ISM2: variants seen among roughly 807,000 people sequenced by gnomAD.
ISM2 encodes isthmin-2.
Under a neutral mutation model 58.0 loss-of-function variants are expected in ISM2, and 50 were observed. The observed-to-expected ratio is 0.86, with a 90% CI of 0.69 to 1.09. The LOEUF (loss-of-function observed/expected upper bound fraction) is 1.09, where lower values mean the gene tolerates loss of function less well. Ranked by LOEUF, ISM2 falls within the 50% of genes least tolerant of loss-of-function variation. ISM2 has a pLI of 0.00. For synonymous variants in ISM2, 303 were observed against 312.4 expected, an observed-to-expected ratio of 0.97 and a Z score of 0.32; for missense variants, 723 against 745.0, an observed-to-expected ratio of 0.97 and a Z score of 0.34.
chr14:77,497,694 AAAAAT>A (rs1210435738), intron 1 of ISM2, among the ~76,000 whole-genome samples: 1 of 149,380 alleles, frequency 6.7e-6, no homozygotes, highest in African/African-American at 2.5e-5. Context: ...ATCCTGTCCC[AAAAAT>A]AAAATAAAAG....
intron 1 of ISM2, among the ~76,000 whole-genome samples, chr14:77,488,317 A>T (rs1215815366): frequency 6.6e-6 from 1 of 152,184 alleles, no homozygotes; most frequent in African/African-American, 2.4e-5. Context: ...GTAGGGACTT[A>T]TGTAAGGTCT....
chr14:77,480,386 G>A (rs1264413104), intron 4 of ISM2, among the ~76,000 whole-genome samples: 2 of 151,876 alleles, frequency 1.3e-5, no homozygotes, highest in African/African-American at 4.8e-5. Flanking sequence ...ACTGTGGCTG[G>A]GCCCAAATCC....
At chr14:77,491,903 C>A (rs2079207741) in intron 1 of ISM2, among the ~76,000 whole-genome samples, 1 of 151,868 alleles carries the variant, frequency 6.6e-6, no homozygotes. Context: ...ACCATGTTGG[C>A]CAGGCTGGTC....
rs914014016 is a variant in ISM2 at position 77,491,618 on chromosome 14, C to T, written c.142-6699G>A. Among the ~76,000 whole-genome samples, 4 of 151,914 alleles carry T rather than the reference C, an allele frequency of 2.6e-5. 1 individual carries two copies. Among genetic ancestry groups the T allele is most frequent in the Middle Eastern group, 6.3e-3 (2 of 316 alleles). On this transcript the variant is annotated intron_variant, in intron 1 of 6. Transcript: ENST00000342219. ...TGTTGGCTAGACTGGTCTCCAACTCCTAACCTCAGGTGATCCACCCGCCCT... is the reference window on the plus strand; with the variant it reads ...TGTTGGCTAGACTGGTCTCCAACTCTTAACCTCAGGTGATCCACCCGCCCT...
intron 5 of ISM2, 93 bp from the exon 6 acceptor site, chr14:77,478,418 C>A: frequency 2.1e-6 from 3 of 1,425,380 alleles, no homozygotes; most frequent in East Asian, 2.3e-5. Flanking sequence ...GCTCTCAGTG[C>A]CCACAGCAGC....
chr14:77,496,799 G>GAAAAAAAAAAAAAAAAAAAAAA (rs772342344), intron 1 of ISM2, among the ~76,000 whole-genome samples: 1 of 25,788 alleles, frequency 3.9e-5, no homozygotes, highest in African/African-American at 1.8e-4. Context: ...TCCATCTCAG[G>GAAAAAAAAAAAAAAAAAAAAAA]AAAAAAAAAA....
At position 77,497,788 on chromosome 14, in the gene ISM2, AAGGAAG is replaced by A. The variant is rs2079256641; in HGVS notation, c.141+859_141+864del. Among the ~76,000 whole-genome samples, 952 of 132,420 alleles carry A rather than the reference AAGGAAG, an allele frequency of 7.2e-3. 22 individuals carry two copies. Among genetic ancestry groups the A allele is most frequent in the African/African-American group, 0.029 (887 of 30,878 alleles). 86.9% of individuals were successfully genotyped at this position (132,420 alleles called of 152,430 possible). A position where few individuals can be genotyped will look rare whatever the true frequency, so the allele number is the denominator to read the frequency against. ...GAGGGAGGGAAGGAAGGAAGGAAGG[AAGGAAG>A]GAAGGAAGGAAGGAAGGAAGGAAGG... On this transcript the variant is annotated intron_variant, in intron 1 of 6. Coordinates refer to ENST00000342219, the MANE Select transcript of ISM2 (RefSeq NM_199296.3).
At chr14:77,479,797 G>A (rs992753763) in intron 4 of ISM2, among the ~76,000 whole-genome samples, 13 of 152,300 alleles carry the variant, frequency 8.5e-5, no homozygotes, top group African/African-American at 2.4e-4. Flanking sequence ...TTACAGGCAT[G>A]AGCCACTGCA....
rs115444175 is a variant in ISM2 at position 77,481,005 on chromosome 14, T to A, written c.973+1317A>T. 5.1e-3 allele frequency among the ~76,000 whole-genome samples: 783 copies of A among 152,256 alleles called. 6 individuals are homozygous for A. Among genetic ancestry groups the A allele is most frequent in the African/African-American group, 0.018 (740 of 41,552 alleles). Reference sequence around the variant, plus strand: ...GCTGCAACTATGCATAAAACATGTCTGCACCCAGAGGAAACCTGAACCACA... The same window carrying A: ...GCTGCAACTATGCATAAAACATGTCAGCACCCAGAGGAAACCTGAACCACA... On this transcript the variant is annotated intron_variant, in intron 4 of 6. Coordinates refer to ENST00000342219, the MANE Select transcript of ISM2 (RefSeq NM_199296.3).
intron 6 of ISM2, among the ~76,000 whole-genome samples, chr14:77,477,387 G>C (rs2079105062): frequency 6.6e-6 from 1 of 152,186 alleles, no homozygotes; most frequent in African/African-American, 2.4e-5. Flanking sequence ...ATCTCCAAGG[G>C]ACTGGAACCT....
intron 1 of ISM2, among the ~76,000 whole-genome samples, chr14:77,489,146 T>C (rs1333913016): frequency 1.3e-5 from 2 of 152,216 alleles, no homozygotes; most frequent in African/African-American, 4.8e-5. Context: ...CCTTACTGCA[T>C]TGCGTGAGCC....
At chr14:77,498,632 C>G (rs2079264027) in intron 1 of ISM2, 21 bp downstream of exon 1, 8 of 1,437,284 alleles carry the variant, frequency 5.6e-6, no homozygotes, top group Non-Finnish European at 7.3e-6. Context: ...CGCTCCGCAG[C>G]CCGGTGCCGC....
Position 77,498,772 on chromosome 14 carries a change from C to T in ISM2, c.22G>A (p.Ala8Thr), listed in dbSNP as rs2079266251. The T allele has an allele frequency of 5.5e-6, 8 of 1,465,064 alleles. No homozygotes were observed. The South Asian group carries it at 1.0e-4, about 19-fold the overall frequency. 90.8% of individuals were successfully genotyped at this position (1,465,064 alleles called of 1,614,324 possible). A position where few individuals can be genotyped will look rare whatever the true frequency, so the allele number is the denominator to read the frequency against. Residue 8 changes from alanine to threonine, a missense_variant, in exon 1 of 7, where the codon GCC (alanine) becomes ACC (threonine). Transcript: ENST00000342219. ...AGCAGCACGCAGAGGAGGAGCCCGG[C>T]TCGGTCGCGGAGCGCACGCATCGTC... MRALRDR[A>T]GLLLCVLLLA...
intron 1 of ISM2, among the ~76,000 whole-genome samples, chr14:77,493,849 G>A (rs1478629762): frequency 6.6e-6 from 1 of 151,980 alleles, no homozygotes; most frequent in Non-Finnish European, 1.5e-5. Flanking sequence ...TTGGCTCACT[G>A]CAAGCTCGGT....
In ISM2 at chr14:77,475,918, G is replaced by A; in HGVS notation, c.1393C>T (p.Leu465=). 1 of 1,600,774 alleles carries A rather than the reference G, an allele frequency of 6.2e-7. No individual in the cohort carries two copies. Among genetic ancestry groups the A allele is most frequent in the Non-Finnish European group, 8.5e-7 (1 of 1,179,864 alleles). ...CGCGCCGTGGGCTGGTAGATGTCCA[G>A]GCGCTCGCGAGGGCCACTGGCATCC... ...WRDASGPRER[L]DIYQPTARFC... The change falls in exon 7 of 7, where the codon CTG becomes TTG. Residue 465 remains leucine, a synonymous_variant. Coordinates refer to ENST00000342219, the MANE Select transcript of ISM2 (RefSeq NM_199296.3). The surrounding 1 kb of genome is among the most constrained non-coding windows in gnomAD (Gnocchi z 4.1).
At chr14:77,498,485 T>G (rs1304664554) in intron 1 of ISM2, 168 bp downstream of exon 1, 1 of 1,207,430 alleles carries the variant, frequency 8.3e-7, no homozygotes, top group Admixed American at 2.2e-5. Context: ...CCGGCGCACC[T>G]GGGCAACGCC....
chr14:77,490,098 C>T (rs183271002), intron 1 of ISM2, among the ~76,000 whole-genome samples: 5 of 152,110 alleles, frequency 3.3e-5, no homozygotes, highest in African/African-American at 7.2e-5. Flanking sequence ...CTCCTGACTT[C>T]GTGATCCGCC....
intron 1 of ISM2, among the ~76,000 whole-genome samples, chr14:77,491,076 C>T (rs2079200699): frequency 6.6e-6 from 1 of 152,214 alleles, no homozygotes; most frequent in African/African-American, 2.4e-5. Flanking sequence ...TCATTGCCAC[C>T]CACCTGGCAG....
rs1281128752 is a variant in ISM2, at chr14:77,475,623, G to A, written c.1688C>T (p.Ala563Val). ...TDNPLEEEYL[A>V]QLQEAKEY ...GTACTCCTTGGCCTCCTGCAACTGT[G>A]CTAGGTACTCCTCCTCCAGGGGGTT... Residue 563 changes from alanine (A) to valine (V), a missense_variant, in exon 7 of 7, where the codon GCA becomes GTA. Physicochemically the swap from Ala to Val is moderately conservative, Grantham distance 64. Transcript: ENST00000342219. This position sits in a 1 kb window ranked among gnomAD's most constrained non-coding sequence, Gnocchi z 4.1. 1 of 1,603,594 alleles carries A rather than the reference G, an allele frequency of 6.2e-7. No homozygotes were observed. The highest frequency in any genetic ancestry group is 8.5e-7 in the Non-Finnish European group (1 of 1,174,358).
Sources: gnomAD v4.1 joint callset for allele counts (sites outside exome capture counted in the v4.1 genomes callset) on GRCh38, gnomAD v4.1.1 for gene constraint, Gnocchi (gnomAD v3.1) non-coding constraint, MANE v1.5 for transcripts, NCBI Gene and HGNC (gene_info 2026-07-23, HGNC 2026-07-21) for gene names.